OTOGL: variants seen among roughly 807,000 people sequenced by gnomAD.
OTOGL encodes the protein otogelin-like protein.
A neutral mutation model predicts 318.5 loss-of-function variants in OTOGL; 285 were observed. The ratio of observed to expected loss-of-function variants is 0.89; its 90% CI spans 0.81 to 0.99. OTOGL has a LOEUF of 0.99. Among genes scored for constraint, OTOGL ranks in the 50% least tolerant of loss-of-function variants. The pLI, the probability that OTOGL is intolerant of heterozygous loss-of-function variation, is 0.00. For synonymous variants in OTOGL, 987 were observed against 936.5 expected, an observed-to-expected ratio of 1.05 and a Z score of -0.99; for missense variants, 2,899 against 2,845.6, an observed-to-expected ratio of 1.02 and a Z score of -0.43.
In OTOGL at chr12:80,285,082, A is replaced by G. The variant is rs563088260; in HGVS notation, c.2928+5916A>G. On this transcript the variant is annotated intron_variant, in intron 26 of 58. Transcript: ENST00000547103. ...AGGTGTAAGGAAGGGGTCCAGTTTC[A>G]GTTTTCCGCATATGGTTAACTTGTT... Among the ~76,000 whole-genome samples, 4 of 152,204 alleles carry G rather than the reference A, an allele frequency of 2.6e-5. No homozygotes were observed. The East Asian group carries it at 7.7e-4, about 29-fold the overall frequency.
At chr12:80,123,085 C>A (rs888104597) in intron 1 of OTOGL, among the ~76,000 whole-genome samples, 1 of 151,628 alleles carries the variant, frequency 6.6e-6, no homozygotes. Context: ...GCACAACGTG[C>A]AGATTTGTTA....
rs149360691 is a variant in OTOGL at position 80,126,827 on chromosome 12, T to C, written c.-20+27222T>C. Among the ~76,000 whole-genome samples the C allele has an allele frequency of 3.4e-3, 517 of 152,296 alleles. 3 individuals are homozygous for C. Among genetic ancestry groups the C allele is most frequent in the African/African-American group, 0.012 (492 of 41,560 alleles). ...CTTTGTCTCTTTTGATCTTTGTTGGTTTAAAGTCTGTTTTATCAGAGAACT... is the reference window on the plus strand; with the variant it reads ...CTTTGTCTCTTTTGATCTTTGTTGGCTTAAAGTCTGTTTTATCAGAGAACT... On this transcript the variant is annotated intron_variant, in intron 1 of 58. Coordinates refer to ENST00000547103, the MANE Select transcript of OTOGL (RefSeq NM_001378609.3).
chr12:80,358,411 C>A, intron 50 of OTOGL, 62 bp downstream of exon 50: 1 of 1,307,878 alleles, frequency 7.6e-7, no homozygotes, highest in Non-Finnish European at 1.1e-6. Context: ...AAGCCCAGTG[C>A]ATCTTAGTTG....
At chr12:80,303,427 T>C (rs2137742137) in intron 28 of OTOGL, among the ~76,000 whole-genome samples, 1 of 152,364 alleles carries the variant, frequency 6.6e-6, no homozygotes, top group East Asian at 1.9e-4. Context: ...AGTGCTGGGA[T>C]TACAGGCGTG....
chr12:80,311,071 C>T (rs1177037562), intron 30 of OTOGL, among the ~76,000 whole-genome samples: 1 of 152,184 alleles, frequency 6.6e-6, no homozygotes, highest in African/African-American at 2.4e-5. Context: ...TTCTTCTCAA[C>T]TCAAAGTGCA....
At chr12:80,109,467 G>T (rs1869694887) in intron 1 of OTOGL, among the ~76,000 whole-genome samples, 1 of 152,050 alleles carries the variant, frequency 6.6e-6, no homozygotes, top group African/African-American at 2.4e-5. Context: ...TCTGAGTTAT[G>T]TTGTATCTAT....
At chr12:80,289,770 T>G (rs1884907373) in intron 26 of OTOGL, among the ~76,000 whole-genome samples, 1 of 152,184 alleles carries the variant, frequency 6.6e-6, no homozygotes, top group African/African-American at 2.4e-5. Flanking sequence ...CGTCCCAGGT[T>G]AACTTCAGAC....
chr12:80,110,665 G>C (rs145577712), intron 1 of OTOGL, among the ~76,000 whole-genome samples: 6,093 of 152,216 alleles, frequency 0.04, 147 homozygotes, highest in South Asian at 0.089. Context: ...ATGGACATTT[G>C]GGTTAGTTCC....
At chr12:80,123,653 A>T (rs561021450) in intron 1 of OTOGL, among the ~76,000 whole-genome samples, 100 of 152,260 alleles carry the variant, frequency 6.6e-4, no homozygotes, top group Middle Eastern at 3.4e-3. Flanking sequence ...TAGTCCCACC[A>T]ACAGTGTAAA....
At chr12:80,121,492 C>G (rs1870484976) in intron 1 of OTOGL, among the ~76,000 whole-genome samples, 2 of 152,234 alleles carry the variant, frequency 1.3e-5, no homozygotes, top group African/African-American at 2.4e-5. Flanking sequence ...ATAGAAGTCT[C>G]TAATCCCTCC....
intron 1 of OTOGL, among the ~76,000 whole-genome samples, chr12:80,207,682 A>T (rs1429111745): frequency 6.6e-6 from 1 of 152,196 alleles, no homozygotes; most frequent in East Asian, 1.9e-4. Flanking sequence ...CATATTGGTT[A>T]TATACATTTC....
rs534261613 is a variant in OTOGL, at chr12:80,291,395, G to A, written c.2929-5432G>A. 3.0e-4 allele frequency among the ~76,000 whole-genome samples: 46 copies of A among 152,210 alleles called. 1 individual carries two copies. In the South Asian group the frequency reaches 4.6e-3, roughly 15 times the overall value. On this transcript the variant is annotated intron_variant, in intron 26 of 58. Transcript: ENST00000547103. ...TTATTGTTCATATAGGCTCTTTTAC[G>A]TTGGCTTTGTTGTAACTTTTTCATA...
chr12:80,211,599 C>T, intron 3 of OTOGL, among the ~76,000 whole-genome samples: 1 of 152,110 alleles, frequency 6.6e-6, no homozygotes, highest in East Asian at 1.9e-4. Flanking sequence ...AAATACTGAC[C>T]TCACTAGATT....
In OTOGL at chr12:80,339,312, T is replaced by TG. The variant is rs772585712; in HGVS notation, c.5050+48_5050+49insG. On this transcript the variant is annotated intron_variant, in intron 43 of 58. Coordinates refer to ENST00000547103, the MANE Select transcript of OTOGL (RefSeq NM_001378609.3). ...TGATTTCGTCTGTTTTTTTTTTTTT[T>TG]TTTTTTTTTTTCTATTCACGCTATG... 59 of 1,427,416 alleles carry TG rather than the reference T, an allele frequency of 4.1e-5. 1 individual carries two copies. Among genetic ancestry groups the TG allele is most frequent in the Non-Finnish European group, 5.6e-5 (59 of 1,060,618 alleles). The allele number at this position is 1,427,416 out of a possible 1,614,324, so 88.4% of individuals were successfully genotyped here.
In OTOGL at chr12:80,253,516, G is replaced by C. The variant is rs200388065; in HGVS notation, c.1336G>C (p.Gly446Arg). Residue 446 changes from glycine to arginine, a missense_variant, in exon 14 of 59, where the codon GGT becomes CGT. Coordinates refer to ENST00000547103, the MANE Select transcript of OTOGL (RefSeq NM_001378609.3). ...CATCTCCTTGGAAAATTGCCCATGC[G>C]GTTTTCATGGATTAGCTTATTCAGT... is the stretch of plus-strand genomic sequence containing the variant. ...TCISLENCPC[G>R]FHGLAYSVGS... The C allele has an allele frequency of 3.7e-6, 6 of 1,613,276 alleles. No individual in the cohort carries two copies. The South Asian group carries it at 6.6e-5, about 18-fold the overall frequency.
At chr12:80,158,622 G>T (rs1252300570) in intron 1 of OTOGL, among the ~76,000 whole-genome samples, 1 of 151,940 alleles carries the variant, frequency 6.6e-6, no homozygotes, top group Admixed American at 6.6e-5. Context: ...TTCTTGATTT[G>T]ATTCTCAGCT....
intron 1 of OTOGL, among the ~76,000 whole-genome samples, chr12:80,146,879 G>A (rs905701773): frequency 7.3e-5 from 11 of 151,326 alleles, no homozygotes; most frequent in African/African-American, 2.4e-4. Context: ...ATGGTAGTTT[G>A]TATTTCTGTG....
At chr12:80,103,180 C>T (rs1869244713) in intron 1 of OTOGL, 1 of 1,360,422 alleles carries the variant, frequency 7.4e-7, no homozygotes, top group Non-Finnish European at 1.0e-6. Flanking sequence ...ACTTCATCGT[C>T]CTTTCGGATG....
rs10862098 is a variant in OTOGL, at chr12:80,370,349, A to C, written c.6616-221A>C. Reference sequence around the variant, plus strand: ...CCTAGCATATACAAACACACTATACATATGTATGTATTTTTATCATTTTAG... The same window carrying C: ...CCTAGCATATACAAACACACTATACCTATGTATGTATTTTTATCATTTTAG... On this transcript the variant is annotated intron_variant, in intron 55 of 58. Transcript: ENST00000547103. 0.71 allele frequency among the ~76,000 whole-genome samples: 108,346 copies of C among 151,818 alleles called. 40,630 individuals are homozygous for C. The highest frequency in any genetic ancestry group is 0.84 in the Non-Finnish European group (56,903 of 67,828).
Sources: gnomAD v4.1 joint callset for allele counts (sites outside exome capture counted in the v4.1 genomes callset) on GRCh38, gnomAD v4.1.1 for gene constraint, MANE v1.5 for transcripts, NCBI Gene and HGNC (gene_info 2026-07-23, HGNC 2026-07-21) for gene names.